Variants in DNAH12 observed in about 807,000 individuals in gnomAD.
The protein encoded by DNAH12 is axonemal beta dynein heavy chain 12.
In DNAH12, 285 loss-of-function variants were observed where a neutral mutation model predicts 371.5. That is an observed-to-expected ratio of 0.77 (90% confidence interval 0.70 to 0.85). The LOEUF is 0.85. Ranked by LOEUF, DNAH12 falls within the 40% of genes least tolerant of loss-of-function variation. DNAH12 has a pLI of 0.00. For synonymous variants in DNAH12, 1,200 were observed against 1,213.0 expected (o/e 0.99, Z 0.22); for missense variants, 3,611 against 3,689.4 (o/e 0.98, Z 0.55).
At position 57,508,451 on chromosome 3, in the gene DNAH12, A is replaced by G. The variant is rs115714561; in HGVS notation, c.632T>C (p.Met211Thr). ...FSNLHIIHPT[M>T]KMLLDLGYTT... ...ATAACCAAGGTCCAGTAACATTTTC[A>G]TAGTTGGATGAATAATGTGCAAATT... Residue 211 changes from methionine to threonine, a missense_variant, in exon 7 of 74, where the codon ATG becomes ACG. By Grantham distance (81) the Met-to-Thr change is moderately conservative. Transcript: ENST00000495027. 1,025 of 1,613,304 alleles carry G rather than the reference A, an allele frequency of 6.4e-4. No individual in the cohort carries two copies. The highest frequency in any genetic ancestry group is 8.0e-4 in the Non-Finnish European group (946 of 1,179,850).
In DNAH12 at chr3:57,413,758, T is replaced by C. The variant is rs1233909546; in HGVS notation, c.6008A>G (p.Asp2003Gly). The C allele has an allele frequency of 3.2e-6, 5 of 1,550,604 alleles. No individual in the cohort carries two copies. Among genetic ancestry groups the C allele is most frequent in the Non-Finnish European group, 4.4e-6 (5 of 1,146,614 alleles). ...ATTAAATAGTTACCAATGTCCACAG[T>C]CAAAAAACTGTCGTAATAATTCAAT... is the stretch of plus-strand genomic sequence containing the variant. ...PPIELLRQFF[D>G]CGHWYDLKDT... The change falls in exon 39 of 74, where the codon GAC becomes GGC. Residue 2003 changes from aspartate to glycine, a missense_variant. Physicochemically the swap from Asp to Gly is moderately conservative, Grantham distance 94 (BLOSUM62 -1). Coordinates refer to ENST00000495027, the MANE Select transcript of DNAH12 (RefSeq NM_001366028.2).
intron 18 of DNAH12, among the ~76,000 whole-genome samples, chr3:57,462,252 T>C (rs972987937): frequency 6.6e-5 from 10 of 151,762 alleles, no homozygotes; most frequent in African/African-American, 2.4e-4. Flanking sequence ...TGTTTTGTTT[T>C]GTTTTGTTTT....
In DNAH12 at chr3:57,446,618, G is replaced by C; in HGVS notation, c.3858C>G (p.Thr1286=). 1 of 1,550,106 alleles carries C rather than the reference G, an allele frequency of 6.5e-7. No homozygotes were observed. The highest frequency in any genetic ancestry group is 8.7e-7 in the Non-Finnish European group (1 of 1,146,060). The change falls in exon 26 of 74, where the codon ACC becomes ACG. Residue 1286 remains threonine, a synonymous_variant. Coordinates refer to ENST00000495027, the MANE Select transcript of DNAH12 (RefSeq NM_001366028.2). ...CAGCAAGAGCTTTAGCCAAGTCCTTGGTGGTTTCGGTTTTTCCTGTGCCTG... is the reference window on the plus strand; with the variant it reads ...CAGCAAGAGCTTTAGCCAAGTCCTTCGTGGTTTCGGTTTTTCCTGTGCCTG... ...GPAGTGKTET[T]KDLAKALAVQ...
chr3:57,420,338 A>G (rs924458054), intron 36 of DNAH12, among the ~76,000 whole-genome samples: 3 of 152,168 alleles, frequency 2.0e-5, no homozygotes, highest in African/African-American at 7.2e-5. Context: ...GAATCTCACA[A>G]TCTTTTCCTA....
At chr3:57,426,543 C>T (rs183002340) in intron 34 of DNAH12, among the ~76,000 whole-genome samples, 1 of 151,850 alleles carries the variant, frequency 6.6e-6, no homozygotes, top group Admixed American at 6.6e-5. Context: ...TCAATAGATC[C>T]TGGGGCCTGG....
intron 29 of DNAH12, among the ~76,000 whole-genome samples, chr3:57,440,056 G>C (rs1204453715): frequency 6.6e-6 from 1 of 152,194 alleles, no homozygotes; most frequent in Admixed American, 6.5e-5. Flanking sequence ...AGAGAAAAGG[G>C]AATACTCATA....
At chr3:57,377,446 T>C (rs1238910867) in intron 52 of DNAH12, among the ~76,000 whole-genome samples, 1 of 152,118 alleles carries the variant, frequency 6.6e-6, no homozygotes, top group Non-Finnish European at 1.5e-5. Flanking sequence ...ATAGATAATT[T>C]ATACTAGGCT....
At chr3:57,406,902 CTTTTT>C (rs1192831342) in intron 40 of DNAH12, among the ~76,000 whole-genome samples, 12 of 151,464 alleles carry the variant, frequency 7.9e-5, no homozygotes, top group African/African-American at 2.9e-4. Context: ...AACAAAAAAA[CTTTTT>C]TTTTATTTTT....
intron 62 of DNAH12, among the ~76,000 whole-genome samples, chr3:57,325,588 G>C (rs1481705637): frequency 6.6e-6 from 1 of 152,092 alleles, no homozygotes; most frequent in African/African-American, 2.4e-5. Flanking sequence ...CATCATCAAA[G>C]ACCAAAAGTA....
Position 57,403,331 on chromosome 3 carries a change from T to C in DNAH12, c.6926A>G (p.Asn2309Ser). ...TACCTTCATATCCTCTCTCCATTCA[T>C]TCATACCATAGCTCTTAGAAATTTC... ...QPEISKSYGM[N>S]EWREDMKGLL... Residue 2309 changes from asparagine to serine, a missense_variant, in exon 43 of 74, where the codon AAT becomes AGT. Asn to Ser is a conservative substitution (Grantham distance 46). Transcript: ENST00000495027. 3.9e-6 allele frequency: 6 copies of C among 1,549,868 alleles called. No homozygotes were observed. Among genetic ancestry groups the C allele is most frequent in the Middle Eastern group, 3.4e-4 (2 of 5,968 alleles).
rs1469950233 is a variant in DNAH12 at position 57,528,464 on chromosome 3, G to T, written c.171-4580C>A. Among the ~76,000 whole-genome samples, 2 of 150,848 alleles carry T rather than the reference G, an allele frequency of 1.3e-5. 1 individual carries two copies. Reference sequence around the variant, plus strand: ...TGCTGGGCCAGGCGCGGTGGCTCACGCCTATAATCCCAGCCCTTTGGGAGG... The same window carrying T: ...TGCTGGGCCAGGCGCGGTGGCTCACTCCTATAATCCCAGCCCTTTGGGAGG... On this transcript the variant is annotated intron_variant, in intron 2 of 73. Coordinates refer to ENST00000495027, the MANE Select transcript of DNAH12 (RefSeq NM_001366028.2).
intron 29 of DNAH12, among the ~76,000 whole-genome samples, 157 bp from the exon 30 acceptor site, chr3:57,437,217 A>C (rs940892217): frequency 5.3e-5 from 8 of 152,314 alleles, no homozygotes; most frequent in African/African-American, 1.9e-4. Flanking sequence ...CAAGAGGAGA[A>C]ACATAGACTC....
intron 23 of DNAH12, among the ~76,000 whole-genome samples, chr3:57,453,615 G>A (rs2065820812): frequency 6.6e-6 from 1 of 151,306 alleles, no homozygotes; most frequent in Admixed American, 6.6e-5. Flanking sequence ...CTGAGTCTCT[G>A]TCGCCCAGGC....
At chr3:57,402,914 A>G (rs782765410) in intron 43 of DNAH12, among the ~76,000 whole-genome samples, 10 of 152,230 alleles carry the variant, frequency 6.6e-5, no homozygotes, top group Non-Finnish European at 8.8e-5. Context: ...ATGTATCAAA[A>G]TATCACATGT....
intron 2 of DNAH12, 83 bp downstream of exon 2, chr3:57,542,618 A>T (rs2069338683): frequency 6.9e-7 from 1 of 1,439,694 alleles, no homozygotes; most frequent in Non-Finnish European, 9.2e-7. Context: ...CAACCTCCAC[A>T]GTTAAAACTT....
At position 57,413,847 on chromosome 3, in the gene DNAH12, C is replaced by G. The variant is rs1553683804; in HGVS notation, c.5919G>C (p.Lys1973Asn). 2 of 1,551,234 alleles carry G rather than the reference C, an allele frequency of 1.3e-6. No homozygotes were observed. Among genetic ancestry groups the G allele is most frequent in the Admixed American group, 2.0e-5 (1 of 50,980 alleles). The change falls in exon 39 of 74, where the codon AAG becomes AAC. Residue 1973 changes from lysine to asparagine, a missense_variant. Transcript: ENST00000495027. ...KGVFGPPMGK[K>N]CIIFIDDMNM... ...TCATATCATCTATAAAAATTATACA[C>G]TTCTTTCCCATAGGTGGTCCAAAGA...
At chr3:57,351,267 A>AAAACAAAC (rs565309167) in intron 60 of DNAH12, among the ~76,000 whole-genome samples, 18 of 151,874 alleles carry the variant, frequency 1.2e-4, no homozygotes, top group African/African-American at 3.4e-4. Flanking sequence ...AGACTGTCTC[A>AAAACAAAC]AAACAAACAA....
chr3:57,448,837 G>A (rs1398648115), intron 25 of DNAH12, among the ~76,000 whole-genome samples: 2 of 152,148 alleles, frequency 1.3e-5, no homozygotes, highest in Non-Finnish European at 2.9e-5. Flanking sequence ...GCTAGATACA[G>A]AGTGTTGATT....
intron 58 of DNAH12, among the ~76,000 whole-genome samples, chr3:57,362,687 A>G (rs2062962322): frequency 6.6e-6 from 1 of 151,946 alleles, no homozygotes. Context: ...GTCTGTTCAT[A>G]TCCTTTGCCC....
Sources: allele counts gnomAD v4.1 joint callset (sites outside exome capture counted in the v4.1 genomes callset), GRCh38; gene constraint gnomAD v4.1.1; transcripts MANE v1.5; gene names NCBI Gene and HGNC (gene_info 2026-07-23, HGNC 2026-07-21).